PDE10A: variants seen among roughly 807,000 people sequenced by gnomAD.
The protein encoded by PDE10A is phosphodiesterase 10A.
Under a neutral mutation model 97.7 loss-of-function variants are expected in PDE10A, and 39 were observed. That is an observed-to-expected ratio of 0.40 (90% CI 0.31 to 0.52). The LOEUF (loss-of-function observed/expected upper bound fraction) is 0.52. Among genes scored for constraint, PDE10A ranks in the 20% least tolerant of loss-of-function variants. The probability of loss-of-function intolerance (pLI) is 0.56; values close to 1 mark genes in which losing one functional copy is unlikely to be tolerated. For missense variants in PDE10A, 731 were observed against 1,047.8 expected, an observed-to-expected ratio of 0.70 and a Z score of 4.17; for synonymous variants, 371 against 376.8, an observed-to-expected ratio of 0.98 and a Z score of 0.18.
intron 3 of PDE10A, among the ~76,000 whole-genome samples, chr6:165,468,127 G>A (rs1778766876): frequency 6.6e-6 from 1 of 152,154 alleles, no homozygotes; most frequent in Admixed American, 6.5e-5. Context: ...TGCCTAAGCT[G>A]GAGTGCAGTG....
chr6:165,835,566 GCCT>G (rs1780043220), intron 1 of PDE10A, among the ~76,000 whole-genome samples: 1 of 152,222 alleles, frequency 6.6e-6, no homozygotes, highest in Non-Finnish European at 1.5e-5. Flanking sequence ...CCCCAGGGAA[GCCT>G]CCTTGTAGGA....
chr6:165,341,391 A>T (rs1242718096), intron 19 of PDE10A, among the ~76,000 whole-genome samples: 1 of 152,196 alleles, frequency 6.6e-6, no homozygotes, highest in East Asian at 1.9e-4. Flanking sequence ...TCATTTAATG[A>T]CTGCACATTT....
intron 1 of PDE10A, among the ~76,000 whole-genome samples, chr6:165,952,165 C>A (rs1258223044): frequency 1.3e-5 from 2 of 152,222 alleles, no homozygotes; most frequent in Non-Finnish European, 2.9e-5. Context: ...ATTCTGGCTC[C>A]GGAACGCCTC....
chr6:165,943,375 C>T (rs910820073), intron 1 of PDE10A, among the ~76,000 whole-genome samples: 3 of 89,028 alleles, frequency 3.4e-5, no homozygotes, highest in Non-Finnish European at 6.8e-5. Context: ...AGAAAGAAAA[C>T]GAACGAACTG....
chr6:165,573,863 G>A (rs570840831), intron 1 of PDE10A, among the ~76,000 whole-genome samples: 2 of 152,244 alleles, frequency 1.3e-5, no homozygotes, highest in African/African-American at 4.8e-5. Context: ...GCTACTTCTC[G>A]GCCCTCTGAC....
At chr6:165,667,995 A>G (rs187580474), upstream of PDE10A, among the ~76,000 whole-genome samples, 26 of 152,350 alleles carry the variant, frequency 1.7e-4, no homozygotes, top group African/African-American at 6.3e-4. Flanking sequence ...TCAGTTCTTA[A>G]AAACAGATGC....
chr6:165,949,602 C>G (rs1783888469), intron 1 of PDE10A: 1 of 152,098 alleles, frequency 6.6e-6, no homozygotes, highest in Non-Finnish European at 1.5e-5. Context: ...TCCCGCTGAC[C>G]ATCCCCCACA....
chr6:165,824,211 A>C (rs1368096385), intron 1 of PDE10A, among the ~76,000 whole-genome samples: 1 of 152,238 alleles, frequency 6.6e-6, no homozygotes, highest in Admixed American at 6.5e-5. Flanking sequence ...CACCTGTAAT[A>C]GATTACGTTC....
intron 1 of PDE10A, among the ~76,000 whole-genome samples, chr6:165,885,285 C>T (rs531094876): frequency 6.6e-6 from 1 of 152,214 alleles, no homozygotes; most frequent in African/African-American, 2.4e-5. Flanking sequence ...AGGAAACTTA[C>T]AATCATGGCG....
At chr6:165,745,464 C>T (rs1013391870) in intron 1 of PDE10A, among the ~76,000 whole-genome samples, 13 of 152,244 alleles carry the variant, frequency 8.5e-5, no homozygotes, top group African/African-American at 2.9e-4. Context: ...AACTAATATC[C>T]TTTCAGAATG....
At chr6:165,781,780 C>T (rs977720358) in intron 1 of PDE10A, 2 of 152,354 alleles carry the variant, frequency 1.3e-5, no homozygotes, top group Non-Finnish European at 2.9e-5. Flanking sequence ...GGAGCAGGAC[C>T]ACAAGCCCAG....
rs887251372 is a variant in PDE10A at position 165,662,428 on chromosome 6, A to C, written c.384T>G (p.Ser128=). The C allele has an allele frequency of 2.1e-5, 3 of 140,746 alleles. No individual in the cohort carries two copies. Among genetic ancestry groups the C allele is most frequent in the African/African-American group, 7.9e-5 (3 of 38,130 alleles). The allele number at this position is 140,746 out of a possible 1,614,324, so 8.7% of individuals were successfully genotyped here. A position where few individuals can be genotyped will look rare whatever the true frequency, so the allele number is the denominator to read the frequency against. ...GAAAGGCAGATGAGGAGGGGAGAAA[A>C]GAGGGAGGGGGCGGGGGGGGCGGCG... ...FWPPPPPPPP[S]FLPSSSAFHL... is the part of the protein sequence containing the mutation. The change falls in exon 1 of 22, where the codon TCT becomes TCG. Residue 128 remains serine (S), a synonymous_variant. Coordinates refer to ENST00000539869, the MANE Select transcript of PDE10A (RefSeq NM_001385079.1).
rs564159241 is a variant in PDE10A at position 165,942,902 on chromosome 6, C to G, written c.-615+44627G>C. Among the ~76,000 whole-genome samples, 14 of 152,014 alleles carry G rather than the reference C, an allele frequency of 9.2e-5. No homozygotes were observed. In the South Asian group the frequency reaches 2.7e-3, roughly 29 times the overall value. On this transcript the variant is annotated intron_variant, in intron 1 of 19. Coordinates refer to the PDE10A transcript ENST00000366882. ...CCACTGTGATTGGTAAATTAGGGAACAATTTGAGTGTCATGTCAATGTCGG... is the reference window on the plus strand; with the variant it reads ...CCACTGTGATTGGTAAATTAGGGAAGAATTTGAGTGTCATGTCAATGTCGG...
intron 2 of PDE10A, among the ~76,000 whole-genome samples, chr6:165,514,410 T>A (rs1781674047): frequency 6.6e-6 from 1 of 152,168 alleles, no homozygotes; most frequent in Non-Finnish European, 1.5e-5. Context: ...TGGAAGGCAG[T>A]GTTTGCTGTG....
intron 1 of PDE10A, among the ~76,000 whole-genome samples, chr6:165,546,262 G>A (rs1294938915): frequency 6.6e-6 from 1 of 152,080 alleles, no homozygotes; most frequent in Non-Finnish European, 1.5e-5. Flanking sequence ...AGCTCAAGGG[G>A]AAAGGGCAAA....
At chr6:165,826,827 G>A (rs1477153294) in intron 1 of PDE10A, among the ~76,000 whole-genome samples, 1 of 151,956 alleles carries the variant, frequency 6.6e-6, no homozygotes, top group Non-Finnish European at 1.5e-5. Context: ...GAGCCAGGAG[G>A]GGTGCTGGGG....
intron 1 of PDE10A, among the ~76,000 whole-genome samples, chr6:165,856,314 A>G (rs1780730690): frequency 6.6e-6 from 1 of 152,132 alleles, no homozygotes; most frequent in Non-Finnish European, 1.5e-5. Flanking sequence ...ACAGGGCCGC[A>G]CCACCCCCTG....
chr6:165,413,815 G>A, intron 12 of PDE10A, 128 bp from the exon 13 acceptor site: 1 of 636,050 alleles, frequency 1.6e-6, no homozygotes, highest in Non-Finnish European at 2.7e-6. Context: ...ATGACTAATG[G>A]CACTTTTAGC....
At chr6:165,364,774 T>A (rs1056832116) in intron 18 of PDE10A, among the ~76,000 whole-genome samples, 2 of 151,954 alleles carry the variant, frequency 1.3e-5, no homozygotes, top group Admixed American at 1.3e-4. Context: ...TTTACAACAA[T>A]CCAAAGAAGT....
Sources: allele counts gnomAD v4.1 joint callset (sites outside exome capture counted in the v4.1 genomes callset), GRCh38; gene constraint gnomAD v4.1.1; transcripts MANE v1.5; gene names NCBI Gene and HGNC (gene_info 2026-07-23, HGNC 2026-07-21).